The following PCDHGB2 variants were observed in gnomAD, a reference collection of about 807,000 sequenced individuals.
The protein encoded by PCDHGB2 is protocadherin gamma subfamily B, 2.
In PCDHGB2, 55 loss-of-function variants were observed where a neutral mutation model predicts 59.3. That is an observed-to-expected ratio of 0.93 (90% confidence interval 0.75 to 1.16). PCDHGB2 has a LOEUF of 1.16. PCDHGB2 is among the 50% of genes most tolerant of loss of function. The probability of loss-of-function intolerance (pLI) is 0.00; values close to 1 mark genes in which losing one functional copy is unlikely to be tolerated. For missense variants in PCDHGB2, 1,228 were observed against 1,198.5 expected, an observed-to-expected ratio of 1.02 and a Z score of -0.36; for synonymous variants, 516 against 512.0, an observed-to-expected ratio of 1.01 and a Z score of -0.11.
rs2095943632 is a variant in PCDHGB2 at position 141,415,767 on chromosome 5, TTTTTTACTTTC to T, written c.2421+53213_2421+53223del. ...TTTTTTTTTTTTTTTTTTTTTTTTT[TTTTTTACTTTC>T]TGGTAAAATTCACCTAGTCTCAATC... is the stretch of plus-strand genomic sequence containing the variant. On this transcript the variant is annotated intron_variant, in intron 1 of 3. Transcript: ENST00000522605. 3.1e-6 allele frequency: 4 copies of T among 1,300,754 alleles called. No individual in the cohort carries two copies. The Admixed American group carries it at 1.4e-4, about 46-fold the overall frequency. The allele number at this position is 1,300,754 out of a possible 1,614,324, so 80.6% of individuals were successfully genotyped here.
chr5:141,423,234 C>T, intron 1 of PCDHGB2: 1 of 1,613,918 alleles, frequency 6.2e-7, no homozygotes, highest in South Asian at 1.1e-5. Context: ...CCGACAGCAT[C>T]CCCGAAGTCC....
intron 1 of PCDHGB2, among the ~76,000 whole-genome samples, chr5:141,426,008 T>G (rs2096909040): frequency 6.6e-6 from 1 of 152,224 alleles, no homozygotes; most frequent in South Asian, 2.1e-4. Context: ...GGCTTCCGGC[T>G]GCAGTTTTCT....
intron 3 of PCDHGB2, among the ~76,000 whole-genome samples, chr5:141,509,532 A>C (rs2099877210): frequency 6.6e-6 from 1 of 152,124 alleles, no homozygotes; most frequent in African/African-American, 2.4e-5. Flanking sequence ...GCACAGGATG[A>C]AGCACCATCT....
At chr5:141,420,259 G>A (rs775335307) in intron 1 of PCDHGB2, 8 of 1,564,678 alleles carry the variant, frequency 5.1e-6, no homozygotes, top group Non-Finnish European at 6.9e-6. Context: ...AAGCAGATAA[G>A]AAGATTCTTA....
In PCDHGB2 at chr5:141,489,094, G is replaced by T; in HGVS notation, c.2422-5713G>T. The T allele has an allele frequency of 1.5e-5, 6 of 395,994 alleles. No homozygotes were observed. The highest frequency in any genetic ancestry group is 4.1e-5 in the East Asian group (1 of 24,388). The allele number at this position is 395,994 out of a possible 1,614,324, so 24.5% of individuals were successfully genotyped here. ...CCCACCCCCGCCACTCGGTGACTAA[G>T]AACTGCTGCAAGCAGGCAAACCTCC... On this transcript the variant is annotated intron_variant, in intron 1 of 3. Coordinates refer to ENST00000522605, the MANE Select transcript of PCDHGB2 (RefSeq NM_018923.3). This position sits in a 1 kb window ranked among gnomAD's most constrained non-coding sequence, Gnocchi z 4.5.
chr5:141,418,663 C>T, intron 1 of PCDHGB2: 1 of 1,613,960 alleles, frequency 6.2e-7, no homozygotes, highest in South Asian at 1.1e-5. Flanking sequence ...AGGCCACTGA[C>T]CAGGACGAGG....
chr5:141,362,640 T>C (rs1454864251), intron 1 of PCDHGB2, 84 bp downstream of exon 1: 1 of 1,468,046 alleles, frequency 6.8e-7, no homozygotes, highest in Non-Finnish European at 9.1e-7. Flanking sequence ...TATTTCTTTG[T>C]CTGTGAGTTA....
chr5:141,432,874 G>A lies in PCDHGB2; in HGVS notation c.2422-61933G>A, dbSNP rs2097545539. 2 of 1,614,176 alleles carry A rather than the reference G, an allele frequency of 1.2e-6. No homozygotes were observed. The highest frequency in any genetic ancestry group is 1.7e-6 in the Non-Finnish European group (2 of 1,180,014). Reference sequence around the variant, plus strand: ...TGGCCGCGGTCTCCTGCGTCTTCCTGGCCTTCGTCATCTTGCTGCTGGCGC... The same window carrying A: ...TGGCCGCGGTCTCCTGCGTCTTCCTAGCCTTCGTCATCTTGCTGCTGGCGC... On this transcript the variant is annotated intron_variant, in intron 1 of 3. Transcript: ENST00000522605. This position sits in a 1 kb window ranked among gnomAD's most constrained non-coding sequence, Gnocchi z 6.0.
intron 1 of PCDHGB2, chr5:141,382,648 G>A (rs1561591657): frequency 2.5e-6 from 1 of 403,370 alleles, no homozygotes; most frequent in Non-Finnish European, 4.4e-6. Flanking sequence ...CAGTAACTTA[G>A]TAAGGACTCA....
At chr5:141,382,969 T>G in intron 1 of PCDHGB2, 2 of 1,609,418 alleles carry the variant, frequency 1.2e-6, no homozygotes, top group Non-Finnish European at 8.5e-7. Context: ...GGGGACCCCC[T>G]GGGAAGCCTG....
At chr5:141,496,021 G>A (rs1011612662) in intron 2 of PCDHGB2, among the ~76,000 whole-genome samples, 1 of 151,336 alleles carries the variant, frequency 6.6e-6, no homozygotes, top group Admixed American at 6.6e-5. Context: ...TTTTCTCTGA[G>A]CCTCTGTCTC....
At chr5:141,408,850 C>T (rs2095179070) in intron 1 of PCDHGB2, 2 of 1,613,554 alleles carry the variant, frequency 1.2e-6, no homozygotes, top group South Asian at 1.1e-5. Context: ...CTGCCTTGGA[C>T]GGAGGGGACC....
chr5:141,376,463 A>C (rs1772718380), intron 1 of PCDHGB2: 1 of 1,614,212 alleles, frequency 6.2e-7, no homozygotes, highest in South Asian at 1.1e-5. Context: ...TCTTCTGATA[A>C]CTCAGGATTT....
In PCDHGB2 at chr5:141,491,778, C is replaced by T. The variant is rs568710854; in HGVS notation, c.2422-3029C>T. 3.1e-4 allele frequency: 482 copies of T among 1,547,678 alleles called. No homozygotes were observed. The highest frequency in any genetic ancestry group is 2.2e-3 in the Middle Eastern group (13 of 5,890). On this transcript the variant is annotated intron_variant, in intron 1 of 3. Transcript: ENST00000522605. This position sits in a 1 kb window ranked among gnomAD's most constrained non-coding sequence, Gnocchi z 6.9. Reference sequence around the variant, plus strand: ...CCGCCCGTCCTCATAAGGGATTGAACTTGCATCCACTCCTCTCCGGCCGGC... The same window carrying T: ...CCGCCCGTCCTCATAAGGGATTGAATTTGCATCCACTCCTCTCCGGCCGGC...
At chr5:141,381,823 C>CTTTT (rs1777506241) in intron 1 of PCDHGB2, among the ~76,000 whole-genome samples, 2 of 101,602 alleles carry the variant, frequency 2.0e-5, no homozygotes, top group Non-Finnish European at 3.9e-5. Context: ...TTTCTTTCTT[C>CTTTT]TTCTTTTTTT....
intron 1 of PCDHGB2, chr5:141,382,815 C>T (rs1166972077): frequency 5.6e-6 from 7 of 1,260,548 alleles, no homozygotes; most frequent in Non-Finnish European, 7.7e-6. Flanking sequence ...GCTCCCCTTC[C>T]TAAGACAGAG....
chr5:141,423,753 G>A (rs758300730), intron 1 of PCDHGB2: 1 of 626,096 alleles, frequency 1.6e-6, no homozygotes, highest in Non-Finnish European at 2.0e-6. Context: ...AACTGTTTGG[G>A]GGGGGGGTGG....
chr5:141,454,366 GT>G (rs2098787984), intron 1 of PCDHGB2, among the ~76,000 whole-genome samples: 1 of 152,166 alleles, frequency 6.6e-6, no homozygotes, highest in Admixed American at 6.5e-5. Flanking sequence ...TTAGAAAGGA[GT>G]ATGGCAACTT....
chr5:141,366,222 C>T (rs760253419), intron 1 of PCDHGB2: 4 of 1,613,804 alleles, frequency 2.5e-6, no homozygotes, highest in Non-Finnish European at 3.4e-6. Context: ...ACAGCGCGAG[C>T]CCTGCTGGAC....
Sources: gnomAD v4.1 joint callset for allele counts (sites outside exome capture counted in the v4.1 genomes callset) on GRCh38, gnomAD v4.1.1 for gene constraint, Gnocchi (gnomAD v3.1) non-coding constraint, MANE v1.5 for transcripts, NCBI Gene and HGNC (gene_info 2026-07-23, HGNC 2026-07-21) for gene names.